Variants in SLC35D1 observed in about 807,000 individuals in gnomAD.
SLC35D1 encodes nucleotide sugar transporter SLC35D1.
A neutral mutation model predicts 46.7 loss-of-function variants in SLC35D1; 31 were observed. The ratio of observed to expected loss-of-function variants is 0.66; its 90% CI spans 0.50 to 0.90. The LOEUF is 0.90. Among genes scored for constraint, SLC35D1 ranks in the 40% least tolerant of loss-of-function variants. The pLI is 0.00. For synonymous variants in SLC35D1, 195 were observed against 164.6 expected (o/e 1.18, Z -1.41); for missense variants, 397 against 426.2 (o/e 0.93, Z 0.60).
At chr1:66,996,345 T>C (rs1667237868), downstream of SLC35D1, among the ~76,000 whole-genome samples, 1 of 152,184 alleles carries the variant, frequency 6.6e-6, no homozygotes, top group Non-Finnish European at 1.5e-5. Flanking sequence ...GGGTGAACAA[T>C]GAATGAAAAA....
At chr1:66,988,088 G>C in the SLC35D1 span, 2 of 143,692 alleles carry the variant, frequency 1.4e-5, no homozygotes, top group African/African-American at 5.1e-5. Context: ...CTGAGGGCTG[G>C]TGAATATAAT....
chr1:67,000,543 T>C lies in SLC35D1; in HGVS notation c.*3797A>G, dbSNP rs1667318099. On this transcript the variant is annotated 3_prime_UTR_variant, in exon 12 of 12. Transcript: ENST00000235345. The stretch of plus-strand genomic sequence containing the variant: ...GTCCTGTTTTTCAGGACAGACCGTA[T>C]TGCCCAAGCCTCTAGCATTTACGGA... 6.6e-6 allele frequency: 1 copy of C among 152,326 alleles called. No homozygotes were observed. The highest frequency in any genetic ancestry group is 2.4e-5 in the African/African-American group (1 of 41,436). The allele number at this position is 152,326 out of a possible 1,614,324, so 9.4% of individuals were successfully genotyped here.
chr1:66,985,552 ATT>A, the SLC35D1 span: 1 of 985,034 alleles, frequency 1.0e-6, no homozygotes, highest in Non-Finnish European at 1.2e-6. Flanking sequence ...TACATTCTGT[ATT>A]TTTCCAGATT....
In SLC35D1 at chr1:67,054,042, C is replaced by T; in HGVS notation, c.-29G>A. 1 of 1,602,672 alleles carries T rather than the reference C, an allele frequency of 6.2e-7. No homozygotes were observed. Among genetic ancestry groups the T allele is most frequent in the South Asian group, 1.1e-5 (1 of 90,002 alleles). Reference sequence around the variant, plus strand: ...TGCCGCAGCAGCGGTGGCCTGGCGGCGGGGCCTAGCGGCTCGGGGGCCTGC... The same window carrying T: ...TGCCGCAGCAGCGGTGGCCTGGCGGTGGGGCCTAGCGGCTCGGGGGCCTGC... On this transcript the variant is annotated 5_prime_UTR_variant, in exon 1 of 12. Transcript: ENST00000235345.
chr1:67,017,850 G>A (rs1667718032), intron 10 of SLC35D1, among the ~76,000 whole-genome samples: 2 of 152,008 alleles, frequency 1.3e-5, no homozygotes, highest in Non-Finnish European at 2.9e-5. Flanking sequence ...AAAGATATGG[G>A]GCAATACATT....
chr1:66,984,613 G>A, the SLC35D1 span: 1 of 1,609,382 alleles, frequency 6.2e-7, no homozygotes, highest in Non-Finnish European at 8.5e-7. Context: ...AAACAAAGAG[G>A]AAGTAAAAGT....
At chr1:67,006,814 C>T (rs556941808) in intron 11 of SLC35D1, among the ~76,000 whole-genome samples, 5 of 152,238 alleles carry the variant, frequency 3.3e-5, no homozygotes, top group African/African-American at 1.2e-4. Context: ...GGAATATCTG[C>T]ATTATACTCA....
chr1:67,049,752 T>C, intron 6 of SLC35D1, 30 bp downstream of exon 6: 1 of 1,577,090 alleles, frequency 6.3e-7, no homozygotes, highest in Non-Finnish European at 8.7e-7. Context: ...TGACAATTTA[T>C]AATGTGCTAG....
chr1:67,050,427 G>A lies in SLC35D1; in HGVS notation c.464+6C>T. 1 of 1,605,196 alleles carries A rather than the reference G, an allele frequency of 6.2e-7. No individual in the cohort carries two copies. The highest frequency in any genetic ancestry group is 2.2e-5 in the East Asian group (1 of 44,758). On this transcript the variant is annotated splice_donor_region_variant and intron_variant, in intron 5 of 11. Coordinates refer to ENST00000235345, the MANE Select transcript of SLC35D1 (RefSeq NM_015139.3). Reference sequence around the variant, plus strand: ...AAAGAACAGATATATTAGAAACTTAGCTCACTTGAGTAAAACTCCTTCAGC... The same window carrying A: ...AAAGAACAGATATATTAGAAACTTAACTCACTTGAGTAAAACTCCTTCAGC...
rs1667398022 is a variant in SLC35D1, at chr1:67,004,151, A to G, written c.*189T>C. The G allele has an allele frequency of 1.7e-6, 1 of 597,224 alleles. No homozygotes were observed. The highest frequency in any genetic ancestry group is 1.9e-5 in the African/African-American group (1 of 53,720). 37.0% of individuals were successfully genotyped at this position (597,224 alleles called of 1,614,324 possible). On this transcript the variant is annotated 3_prime_UTR_variant, in exon 12 of 12. Coordinates refer to ENST00000235345, the MANE Select transcript of SLC35D1 (RefSeq NM_015139.3). ...AATTAATTCAAACAACATATTTAAAATAGAGTCAATTATAAGTTTCTCTCT... is the reference window on the plus strand; with the variant it reads ...AATTAATTCAAACAACATATTTAAAGTAGAGTCAATTATAAGTTTCTCTCT...
intron 11 of SLC35D1, among the ~76,000 whole-genome samples, chr1:67,005,977 G>C (rs1413833554): frequency 6.6e-6 from 1 of 152,098 alleles, no homozygotes; most frequent in African/African-American, 2.4e-5. Context: ...TTGAGGAAAG[G>C]GGGCCTCATG....
At chr1:66,998,038 T>C (rs1278888987), downstream of SLC35D1, among the ~76,000 whole-genome samples, 1 of 151,786 alleles carries the variant, frequency 6.6e-6, no homozygotes, top group East Asian at 1.9e-4. Context: ...ATAACAAGTG[T>C]TGGTGAGGAT....
the SLC35D1 span, chr1:66,988,083 G>A: frequency 4.7e-4 from 72 of 152,386 alleles, no homozygotes; most frequent in African/African-American, 1.6e-3. Flanking sequence ...AATAACTGAG[G>A]GCTGGTGAAT....
chr1:66,983,585 GAATTTGTATTTACTTTTTAAGT>G, the SLC35D1 span, among the ~76,000 whole-genome samples: 178 of 152,078 alleles, frequency 1.2e-3, no homozygotes, highest in African/African-American at 4.0e-3. Flanking sequence ...ACCTACTATA[GAATTTGTATTTACTTTTTAAGT>G]AATTTGTATT....
intron 10 of SLC35D1, among the ~76,000 whole-genome samples, chr1:67,009,683 A>G (rs1182652300): frequency 2.5e-5 from 2 of 80,232 alleles, no homozygotes; most frequent in African/African-American, 1.2e-4. Flanking sequence ...AAAAAGCAAC[A>G]GATGTTGGCG....
chr1:66,995,433 T>TAAAA (rs541234514), downstream of SLC35D1, among the ~76,000 whole-genome samples: 4 of 35,808 alleles, frequency 1.1e-4, no homozygotes, highest in Non-Finnish European at 1.4e-4. Flanking sequence ...CCTGCTACGC[T>TAAAA]AAAAAAAAAA....
Position 67,001,599 on chromosome 1 carries a change from C to T in SLC35D1, c.*2741G>A, listed in dbSNP as rs893708422. Reference sequence around the variant, plus strand: ...ATTTAACTCTGTATTGCCTCTTTTTCTCCCAGGAGGCAGTTAACAGGACAA... The same window carrying T: ...ATTTAACTCTGTATTGCCTCTTTTTTTCCCAGGAGGCAGTTAACAGGACAA... On this transcript the variant is annotated 3_prime_UTR_variant, in exon 12 of 12. Transcript: ENST00000235345. The T allele has an allele frequency of 6.6e-6, 1 of 152,326 alleles. No homozygotes were observed. The highest frequency in any genetic ancestry group is 6.5e-5 in the Admixed American group (1 of 15,288). The allele number at this position is 152,326 out of a possible 1,614,324, so 9.4% of individuals were successfully genotyped here. A position where few individuals can be genotyped will look rare whatever the true frequency, so the allele number is the denominator to read the frequency against.
chr1:66,976,405 A>G, the SLC35D1 span, among the ~76,000 whole-genome samples: 6 of 152,230 alleles, frequency 3.9e-5, no homozygotes, highest in African/African-American at 7.2e-5. Flanking sequence ...CCTGTTGCCA[A>G]TATATTATTT....
chr1:67,010,156 T>A (rs749089237), intron 10 of SLC35D1, among the ~76,000 whole-genome samples: 8 of 151,980 alleles, frequency 5.3e-5, no homozygotes, highest in Non-Finnish European at 8.8e-5. Flanking sequence ...GATACAAAGA[T>A]GGGAGCAATA....
Sources: gnomAD v4.1 joint callset for allele counts (sites outside exome capture counted in the v4.1 genomes callset) on GRCh38, gnomAD v4.1.1 for gene constraint, MANE v1.5 for transcripts, NCBI Gene and HGNC (gene_info 2026-07-23, HGNC 2026-07-21) for gene names.